The following DLGAP1 variants were observed in gnomAD, a reference collection of about 807,000 sequenced individuals.
DLGAP1 encodes the protein disks large-associated protein 1.
In DLGAP1, 11 loss-of-function variants were observed where a neutral mutation model predicts 90.8. That is an observed-to-expected ratio of 0.12 (90% confidence interval 0.08 to 0.20). The LOEUF is 0.20. Ranked by LOEUF, DLGAP1 falls within the 10% of genes least tolerant of loss-of-function variation. DLGAP1 has a pLI of 1.00. For synonymous variants in DLGAP1, 558 were observed against 540.7 expected (o/e 1.03, Z -0.44); for missense variants, 1,050 against 1,333.8 (o/e 0.79, Z 3.31).
intron 1 of DLGAP1, among the ~76,000 whole-genome samples, chr18:4,178,040 A>G (rs1250479769): frequency 6.6e-6 from 1 of 151,964 alleles, no homozygotes. Flanking sequence ...TTCAAATCCT[A>G]TTCTTTCTAT....
intron 2 of DLGAP1, among the ~76,000 whole-genome samples, chr18:4,127,601 T>C (rs1309705924): frequency 6.6e-6 from 1 of 152,160 alleles, no homozygotes; most frequent in Non-Finnish European, 1.5e-5. Flanking sequence ...TGATAATGAT[T>C]TTTCAAAATA....
At chr18:3,843,490 C>A (rs549607709) in intron 4 of DLGAP1, among the ~76,000 whole-genome samples, 1 of 152,190 alleles carries the variant, frequency 6.6e-6, no homozygotes, top group East Asian at 1.9e-4. Context: ...TTGTTTCTGC[C>A]AGCTTTAAAT....
intron 1 of DLGAP1, among the ~76,000 whole-genome samples, chr18:4,371,379 T>C (rs902826437): frequency 6.6e-6 from 1 of 152,252 alleles, no homozygotes; most frequent in African/African-American, 2.4e-5. Flanking sequence ...ATCTTGCCTT[T>C]AACATCTTGG....
intron 7 of DLGAP1, among the ~76,000 whole-genome samples, chr18:3,713,604 G>A (rs531943700): frequency 1.3e-5 from 2 of 152,226 alleles, no homozygotes; most frequent in South Asian, 2.1e-4. Context: ...AGCAATAAGC[G>A]GCACATTGAT....
intron 1 of DLGAP1, among the ~76,000 whole-genome samples, chr18:4,331,537 C>A (rs1055927047): frequency 1.3e-5 from 2 of 151,742 alleles, no homozygotes; most frequent in Non-Finnish European, 2.9e-5. Flanking sequence ...CTTGTACCAG[C>A]AGCAAGGATG....
intron 3 of DLGAP1, among the ~76,000 whole-genome samples, chr18:3,933,455 T>C (rs1290649231): frequency 1.3e-5 from 2 of 152,234 alleles, no homozygotes; most frequent in Non-Finnish European, 2.9e-5. Flanking sequence ...ATAACCTCTT[T>C]GGTAATTTCA....
chr18:4,260,959 A>G (rs889999085), intron 1 of DLGAP1, among the ~76,000 whole-genome samples: 2 of 152,340 alleles, frequency 1.3e-5, no homozygotes, highest in African/African-American at 2.4e-5. Context: ...AATCAACAGC[A>G]TAACACAGCT....
At chr18:3,710,295 G>C (rs1461833667) in intron 7 of DLGAP1, among the ~76,000 whole-genome samples, 1 of 152,164 alleles carries the variant, frequency 6.6e-6, no homozygotes, top group Non-Finnish European at 1.5e-5. Flanking sequence ...AAGACTCCTT[G>C]TGATAAAAAA....
At chr18:4,071,238 A>G (rs5822790) in intron 2 of DLGAP1, among the ~76,000 whole-genome samples, 2,076 of 11,108 alleles carry the variant, frequency 0.19, 41 homozygotes, top group South Asian at 0.45. Context: ...AAAGATATAC[A>G]TGTGTGTGTG....
At chr18:3,554,614 G>A (rs887492624) in intron 9 of DLGAP1, among the ~76,000 whole-genome samples, 3 of 152,228 alleles carry the variant, frequency 2.0e-5, no homozygotes, top group African/African-American at 7.2e-5. Flanking sequence ...ATGGTGGCCT[G>A]CAAATGTAAC....
intron 2 of DLGAP1, among the ~76,000 whole-genome samples, chr18:4,088,512 A>G (rs1482295538): frequency 1.3e-5 from 2 of 152,090 alleles, no homozygotes; most frequent in Admixed American, 1.3e-4. Context: ...TTGAGGATCC[A>G]AGTTTCTGTT....
intron 5 of DLGAP1, among the ~76,000 whole-genome samples, chr18:3,748,259 A>G (rs764925927): frequency 6.6e-6 from 1 of 152,258 alleles, no homozygotes; most frequent in Non-Finnish European, 1.5e-5. Flanking sequence ...TGAGCCAACC[A>G]CACAAACAAG....
At chr18:4,259,960 A>G (rs1403307901) in intron 1 of DLGAP1, among the ~76,000 whole-genome samples, 2 of 152,176 alleles carry the variant, frequency 1.3e-5, no homozygotes, top group African/African-American at 4.8e-5. Context: ...CTAGTCTATA[A>G]TATGGACCAG....
chr18:4,361,672 G>A (rs1029925162), intron 1 of DLGAP1, among the ~76,000 whole-genome samples: 3 of 151,964 alleles, frequency 2.0e-5, no homozygotes, highest in Non-Finnish European at 2.9e-5. Context: ...CAAAAGCTTC[G>A]AAACACTTAA....
chr18:3,612,782 T>C (rs2057695659), intron 7 of DLGAP1, among the ~76,000 whole-genome samples: 1 of 152,186 alleles, frequency 6.6e-6, no homozygotes, highest in Non-Finnish European at 1.5e-5. Flanking sequence ...GATGTAAAAA[T>C]AAAACAACCA....
chr18:3,879,356 T>C lies in DLGAP1; in HGVS notation c.713A>G (p.Glu238Gly), dbSNP rs903134395. 1.9e-6 allele frequency: 3 copies of C among 1,612,852 alleles called. No individual in the cohort carries two copies. Among genetic ancestry groups the C allele is most frequent in the Non-Finnish European group, 2.5e-6 (3 of 1,179,550 alleles). The change falls in exon 4 of 13, where the codon GAG becomes GGG. Residue 238 changes from glutamate to glycine, a missense_variant. Glu to Gly is a moderately conservative substitution (Grantham distance 98, BLOSUM62 -2). This residue lies in a region of DLGAP1 where 485 missense variants were observed against 454.1 expected (regional missense o/e 1.07). Transcript: ENST00000315677. The surrounding 1 kb of genome is among the most constrained non-coding windows in gnomAD (Gnocchi z 6.6). ...CTGCTCGCTGATGGTGTTGTAGGCC[T>C]CCAGGAAGTACTGTGAGGCCGAGCG... is the stretch of plus-strand genomic sequence containing the variant. Reference protein sequence around the residue: ...PDRSASQYFLEAYNTISEQAV... With the variant: ...PDRSASQYFLGAYNTISEQAV...
chr18:3,502,775 T>TA, intron 11 of DLGAP1, 130 bp from the exon 12 acceptor site: 5 of 967,490 alleles, frequency 5.2e-6, no homozygotes, highest in Non-Finnish European at 7.6e-6. Flanking sequence ...CGACACGAGG[T>TA]AAAAGTGAGG....
intron 4 of DLGAP1, chr18:3,845,484 A>G (rs2068955673): frequency 9.3e-6 from 12 of 1,292,362 alleles, no homozygotes; most frequent in Admixed American, 7.0e-5. Context: ...ATAAAACCCT[A>G]TAGCTGAAGA....
At chr18:3,843,608 T>A (rs76286013) in intron 4 of DLGAP1, among the ~76,000 whole-genome samples, 1 of 152,172 alleles carries the variant, frequency 6.6e-6, no homozygotes, top group Non-Finnish European at 1.5e-5. Flanking sequence ...CAGCCCAGCA[T>A]GCTCTGGAGC....
Sources: gnomAD v4.1 joint callset for allele counts (sites outside exome capture counted in the v4.1 genomes callset) on GRCh38, gnomAD v4.1.1 for gene constraint, gnomAD v4.1.1 regional missense constraint, Gnocchi (gnomAD v3.1) non-coding constraint, MANE v1.5 for transcripts, NCBI Gene and HGNC (gene_info 2026-07-23, HGNC 2026-07-21) for gene names.